Variants in TMTC1 observed in about 807,000 individuals in gnomAD.
TMTC1 encodes the protein transmembrane O-mannosyltransferase targeting cadherins 1.
TMTC1 carries 73 observed loss-of-function variants against 104.8 expected under a neutral mutation model. The observed-to-expected ratio is 0.70, with a 90% confidence interval of 0.58 to 0.85. The LOEUF is 0.85. Among genes scored for constraint, TMTC1 ranks in the 40% least tolerant of loss-of-function variants. The pLI is 0.00. For synonymous variants in TMTC1, 434 were observed against 428.7 expected, an observed-to-expected ratio of 1.01 and a Z score of -0.15; for missense variants, 1,035 against 1,096.1, an observed-to-expected ratio of 0.94 and a Z score of 0.79.
intron 5 of TMTC1, among the ~76,000 whole-genome samples, chr12:29,643,105 T>C (rs1040106314): frequency 6.6e-6 from 1 of 152,046 alleles, no homozygotes; most frequent in South Asian, 2.1e-4. Flanking sequence ...ACCGCCTTAC[T>C]CCTGGGAGAA....
intron 5 of TMTC1, among the ~76,000 whole-genome samples, chr12:29,636,151 T>C (rs961449816): frequency 3.9e-5 from 6 of 152,082 alleles, no homozygotes; most frequent in African/African-American, 1.4e-4. Context: ...TTTAAAATAA[T>C]TGACGAAGAG....
Position 29,506,489 on chromosome 12 carries a change from T to G in TMTC1, c.*357A>C, listed in dbSNP as rs1281736284. The G allele has an allele frequency of 5.3e-6, 1 of 190,296 alleles. No homozygotes were observed. Among genetic ancestry groups the G allele is most frequent in the African/African-American group, 2.3e-5 (1 of 42,708 alleles). 11.8% of individuals were successfully genotyped at this position (190,296 alleles called of 1,614,324 possible). ...GCTCTGCCTTCATAGCATTTCAAGC[T>G]TCTGTATTTCTGGGACAAAAAATGT... On this transcript the variant is annotated 3_prime_UTR_variant, in exon 18 of 18. Transcript: ENST00000539277.
chr12:29,557,326 G>A (rs1945271319), intron 9 of TMTC1, among the ~76,000 whole-genome samples: 1 of 152,206 alleles, frequency 6.6e-6, no homozygotes, highest in Non-Finnish European at 1.5e-5. Context: ...CAGGTGCTAA[G>A]TTTCTAGCCT....
intron 10 of TMTC1, among the ~76,000 whole-genome samples, chr12:29,537,925 C>T (rs998841266): frequency 1.3e-4 from 20 of 152,140 alleles, no homozygotes; most frequent in Admixed American, 8.5e-4. Context: ...CAACATAGAC[C>T]TTGGATTTAA....
At chr12:29,532,761 T>G (rs1361934565) in intron 11 of TMTC1, 1 of 152,188 alleles carries the variant, frequency 6.6e-6, no homozygotes, top group Non-Finnish European at 1.5e-5. Context: ...CTTTATATAT[T>G]TATATTACTT....
intron 7 of TMTC1, among the ~76,000 whole-genome samples, chr12:29,598,619 CA>C (rs1946474810): frequency 6.6e-6 from 1 of 152,100 alleles, no homozygotes; most frequent in Non-Finnish European, 1.5e-5. Context: ...CCATTTCTTT[CA>C]TTGATGTTTT....
intron 5 of TMTC1, among the ~76,000 whole-genome samples, chr12:29,644,322 A>G (rs1343333791): frequency 6.6e-6 from 1 of 151,530 alleles, no homozygotes; most frequent in East Asian, 1.9e-4. Context: ...TGAGGATACA[A>G]AGGCATAAAA....
intron 5 of TMTC1, among the ~76,000 whole-genome samples, chr12:29,679,474 G>A (rs1180474856): frequency 6.6e-6 from 1 of 152,022 alleles, no homozygotes; most frequent in Non-Finnish European, 1.5e-5. Context: ...TCAGATATAA[G>A]AACTAAAGAT....
At chr12:29,665,132 G>A (rs902474915) in intron 5 of TMTC1, among the ~76,000 whole-genome samples, 6 of 152,144 alleles carry the variant, frequency 3.9e-5, no homozygotes, top group Middle Eastern at 3.4e-3. Context: ...AAGGAAAAAC[G>A]AAGAAACTAC....
chr12:29,608,948 G>T (rs539772619), intron 6 of TMTC1, among the ~76,000 whole-genome samples: 2 of 151,992 alleles, frequency 1.3e-5, no homozygotes, highest in Non-Finnish European at 2.9e-5. Flanking sequence ...GCAAAGACAC[G>T]CACACACACA....
intron 5 of TMTC1, among the ~76,000 whole-genome samples, chr12:29,634,756 A>C (rs1374545407): frequency 6.6e-6 from 1 of 152,264 alleles, no homozygotes; most frequent in Non-Finnish European, 1.5e-5. Flanking sequence ...CAGACTGTGA[A>C]GAAAGTTTCT....
At chr12:29,527,352 G>A (rs898894769) in intron 11 of TMTC1, among the ~76,000 whole-genome samples, 1 of 152,236 alleles carries the variant, frequency 6.6e-6, no homozygotes, top group East Asian at 1.9e-4. Context: ...AACAGTGAGT[G>A]AGAGACACAA....
intron 10 of TMTC1, among the ~76,000 whole-genome samples, chr12:29,549,394 C>G (rs1945035282): frequency 6.6e-6 from 1 of 151,948 alleles, no homozygotes; most frequent in Non-Finnish European, 1.5e-5. Context: ...TGGAAACTTA[C>G]TGGAAGGAGG....
Position 29,755,600 on chromosome 12 carries a change from T to C in TMTC1, c.731+109A>G, listed in dbSNP as rs550939497. ...GATTACGTGACAGTCTAAGGTGAGATGACATTTAATAAAGTGTTATATTTT... is the reference window on the plus strand; with the variant it reads ...GATTACGTGACAGTCTAAGGTGAGACGACATTTAATAAAGTGTTATATTTT... On this transcript the variant is annotated intron_variant, in intron 4 of 17. Coordinates refer to ENST00000539277, the MANE Select transcript of TMTC1 (RefSeq NM_001193451.2). 4.3e-6 allele frequency: 4 copies of C among 921,538 alleles called. No individual in the cohort carries two copies. In the Admixed American group the frequency reaches 1.1e-4, roughly 25 times the overall value. The allele number at this position is 921,538 out of a possible 1,614,324, so 57.1% of individuals were successfully genotyped here.
chr12:29,512,998 AGG>A (rs763751560), intron 16 of TMTC1, among the ~76,000 whole-genome samples: 1 of 152,214 alleles, frequency 6.6e-6, no homozygotes, highest in Non-Finnish European at 1.5e-5. Flanking sequence ...CTTCAGTTTT[AGG>A]GGAAAGAAAG....
chr12:29,617,249 G>A (rs1214370533), intron 6 of TMTC1, among the ~76,000 whole-genome samples: 1 of 151,980 alleles, frequency 6.6e-6, no homozygotes, highest in Non-Finnish European at 1.5e-5. Context: ...GGCAGATGAC[G>A]AAGGGAACCA....
intron 5 of TMTC1, among the ~76,000 whole-genome samples, chr12:29,652,864 C>T (rs146568228): frequency 6.6e-6 from 1 of 152,134 alleles, no homozygotes; most frequent in African/African-American, 2.4e-5. Flanking sequence ...GAGTTCAACA[C>T]CAGCCTGACC....
chr12:29,654,919 C>G (rs1054050702), intron 5 of TMTC1, among the ~76,000 whole-genome samples: 8 of 152,108 alleles, frequency 5.3e-5, no homozygotes, highest in Non-Finnish European at 1.0e-4. Flanking sequence ...GAGTCTTGCT[C>G]TGTCACCAGG....
chr12:29,733,957 T>TTTA (rs1309795591), intron 5 of TMTC1, among the ~76,000 whole-genome samples: 2 of 152,192 alleles, frequency 1.3e-5, no homozygotes, highest in African/African-American at 4.8e-5. Flanking sequence ...CTTGAAGTTG[T>TTTA]TTATCTGTTT....
Sources: gnomAD v4.1 joint callset for allele counts (sites outside exome capture counted in the v4.1 genomes callset) on GRCh38, gnomAD v4.1.1 for gene constraint, MANE v1.5 for transcripts, NCBI Gene and HGNC (gene_info 2026-07-23, HGNC 2026-07-21) for gene names.